The following MINDY2 variants were observed in gnomAD, a reference collection of about 807,000 sequenced individuals.
The protein encoded by MINDY2 is ubiquitin carboxyl-terminal hydrolase MINDY-2.
MINDY2 carries 52 observed loss-of-function variants against 68.2 expected under a neutral mutation model. The ratio of observed to expected loss-of-function variants is 0.76; its 90% CI spans 0.61 to 0.96. The LOEUF is 0.96. Among genes scored for constraint, MINDY2 ranks in the 40% least tolerant of loss-of-function variants. The pLI is 0.00. For synonymous variants in MINDY2, 372 were observed against 303.0 expected (o/e 1.23, Z -2.36); for missense variants, 881 against 773.4 (o/e 1.14, Z -1.65).
Position 58,787,881 on chromosome 15 carries a change from A to T in MINDY2, c.841-25A>T, listed in dbSNP as rs185935738. 1.5e-5 allele frequency: 23 copies of T among 1,525,604 alleles called. No individual in the cohort carries two copies. The East Asian group carries it at 2.5e-4, about 17-fold the overall frequency. The allele number at this position is 1,525,604 out of a possible 1,614,324, so 94.5% of individuals were successfully genotyped here. On this transcript the variant is annotated intron_variant, in intron 1 of 8. Coordinates refer to ENST00000559228, the MANE Select transcript of MINDY2 (RefSeq NM_001040450.3). ...TTAGTCACCTAAAACATTTAATTTT[A>T]TAGAAATAATATTTTGTTTTTCAGG...
intron 5 of MINDY2, among the ~76,000 whole-genome samples, chr15:58,827,001 C>T (rs1195556716): frequency 6.6e-6 from 1 of 152,080 alleles, no homozygotes; most frequent in Non-Finnish European, 1.5e-5. Flanking sequence ...AGTTGTTCCA[C>T]AGAATATTCC....
intron 2 of MINDY2, among the ~76,000 whole-genome samples, chr15:58,791,622 ATGTGTGTGTGTGTGTG>A (rs368688031): frequency 1.2e-3 from 165 of 136,754 alleles, no homozygotes; most frequent in African/African-American, 4.2e-3. Context: ...GTCTCAAAAT[ATGTGTGTGTGTGTGTG>A]TGTGTGTGTG....
intron 7 of MINDY2, among the ~76,000 whole-genome samples, chr15:58,849,303 C>G (rs2032699983): frequency 6.6e-6 from 1 of 151,704 alleles, no homozygotes; most frequent in Admixed American, 6.6e-5. Flanking sequence ...GAGATCAAGA[C>G]CATCCTGGCT....
chr15:58,816,209 G>A (rs1336198235), intron 4 of MINDY2, among the ~76,000 whole-genome samples: 1 of 152,074 alleles, frequency 6.6e-6, no homozygotes, highest in Non-Finnish European at 1.5e-5. Flanking sequence ...AAAAGCTGCT[G>A]GGATTCAGGA....
chr15:58,805,985 G>A (rs1902978715), intron 3 of MINDY2, among the ~76,000 whole-genome samples: 1 of 152,166 alleles, frequency 6.6e-6, no homozygotes, highest in African/African-American at 2.4e-5. Flanking sequence ...GAGGCAGATG[G>A]AACCCTTGAA....
At chr15:58,821,662 T>A in intron 4 of MINDY2, 55 bp from the exon 5 acceptor site, 2 of 1,090,126 alleles carry the variant, frequency 1.8e-6, no homozygotes, top group Non-Finnish European at 1.3e-6. Context: ...TATGGCTTTC[T>A]TTTGTTTTGT....
intron 5 of MINDY2, among the ~76,000 whole-genome samples, chr15:58,824,414 A>G (rs1241709362): frequency 6.6e-6 from 1 of 152,298 alleles, no homozygotes; most frequent in East Asian, 1.9e-4. Context: ...TACTTCCTTG[A>G]TATATAAATT....
rs951849841 is a variant in MINDY2 at position 58,789,747 on chromosome 15, A to G, written c.898+1784A>G. On this transcript the variant is annotated intron_variant, in intron 2 of 8. Coordinates refer to ENST00000559228, the MANE Select transcript of MINDY2 (RefSeq NM_001040450.3). ...ACCGCAACCTCCACCTCCTGGGTTC[A>G]AGTGATTCTCCTGCCTCAGCCTCCC... Among the ~76,000 whole-genome samples, 10 of 152,272 alleles carry G rather than the reference A, an allele frequency of 6.6e-5. No individual in the cohort carries two copies. The East Asian group carries it at 1.7e-3, about 26-fold the overall frequency.
chr15:58,782,579 A>C (rs2140906079), intron 1 of MINDY2, among the ~76,000 whole-genome samples: 1 of 152,176 alleles, frequency 6.6e-6, no homozygotes, highest in East Asian at 1.9e-4. Context: ...TTCTTTCCTC[A>C]TCGTGCTTCA....
At position 58,856,816 on chromosome 15, in the gene MINDY2, A is replaced by G. The variant is rs2033074744; in HGVS notation, c.*2206A>G. On this transcript the variant is annotated 3_prime_UTR_variant, in exon 9 of 9. Coordinates refer to ENST00000559228, the MANE Select transcript of MINDY2 (RefSeq NM_001040450.3). ...TACCTTGAGAAATTTTAAAAAGCATAGTTGAGGCATATTTTTTCATAATTA... is the reference window on the plus strand; with the variant it reads ...TACCTTGAGAAATTTTAAAAAGCATGGTTGAGGCATATTTTTTCATAATTA... The G allele has an allele frequency of 1.3e-5, 2 of 152,232 alleles. No homozygotes were observed. The highest frequency in any genetic ancestry group is 4.8e-5 in the African/African-American group (2 of 41,454). The allele number at this position is 152,232 out of a possible 1,614,324, so 9.4% of individuals were successfully genotyped here. A position where few individuals can be genotyped will look rare whatever the true frequency, so the allele number is the denominator to read the frequency against.
chr15:58,843,585 A>G (rs7178522), intron 6 of MINDY2, among the ~76,000 whole-genome samples: 85,060 of 151,938 alleles, frequency 0.56, 25,323 homozygotes, highest in Middle Eastern at 0.74. Context: ...AATTAATTCT[A>G]CATGGAGTAG....
At chr15:58,840,628 C>CTTCTTA (rs2032229250) in intron 6 of MINDY2, among the ~76,000 whole-genome samples, 1 of 139,266 alleles carries the variant, frequency 7.2e-6, no homozygotes, top group African/African-American at 2.7e-5. Context: ...TATTTATTTA[C>CTTCTTA]TTATTATTAT....
intron 2 of MINDY2, among the ~76,000 whole-genome samples, chr15:58,788,735 TGTG>T (rs1212180342): frequency 6.6e-6 from 1 of 152,136 alleles, no homozygotes; most frequent in Non-Finnish European, 1.5e-5. Flanking sequence ...TTAGGCCAGG[TGTG>T]GTGGCTCACG....
rs1165562015 is a variant in MINDY2, at chr15:58,856,777, A to G, written c.*2167A>G. 1 of 152,246 alleles carries G rather than the reference A, an allele frequency of 6.6e-6. No individual in the cohort carries two copies. Among genetic ancestry groups the G allele is most frequent in the Non-Finnish European group, 1.5e-5 (1 of 68,040 alleles). 9.4% of individuals were successfully genotyped at this position (152,246 alleles called of 1,614,324 possible). On this transcript the variant is annotated 3_prime_UTR_variant, in exon 9 of 9. Coordinates refer to ENST00000559228, the MANE Select transcript of MINDY2 (RefSeq NM_001040450.3). ...GATAGTGCATTATATTTGAATAAGAAAAACAAACCAGTATACCTTGAGAAA... is the reference window on the plus strand; with the variant it reads ...GATAGTGCATTATATTTGAATAAGAGAAACAAACCAGTATACCTTGAGAAA...
At chr15:58,818,029 G>A (rs1345346951) in intron 4 of MINDY2, among the ~76,000 whole-genome samples, 1 of 152,078 alleles carries the variant, frequency 6.6e-6, no homozygotes, top group East Asian at 1.9e-4. Flanking sequence ...ACCACATTAT[G>A]GTATATTCTA....
chr15:58,783,356 T>G (rs542203049), intron 1 of MINDY2, among the ~76,000 whole-genome samples: 1 of 152,340 alleles, frequency 6.6e-6, no homozygotes, highest in African/African-American at 2.4e-5. Flanking sequence ...GTATTCTAAT[T>G]GTTAAGCATT....
rs754859746 is a variant in MINDY2 at position 58,771,623 on chromosome 15, C to T, written c.228C>T (p.Pro76=). 1 of 1,612,266 alleles carries T rather than the reference C, an allele frequency of 6.2e-7. No homozygotes were observed. The highest frequency in any genetic ancestry group is 1.1e-5 in the South Asian group (1 of 91,070). Residue 76 remains proline, a synonymous_variant, in exon 1 of 9, where the codon CCC becomes CCT. Coordinates refer to ENST00000559228, the MANE Select transcript of MINDY2 (RefSeq NM_001040450.3). ...CTCCCGCGGGCTCTCCTGAGGTTCC[C>T]GGACCCTGCAGCTCCTCCGCGGGTT... ...SASPAGSPEV[P]GPCSSSAGLD... is the part of the protein sequence containing the mutation.
At position 58,772,023 on chromosome 15, in the gene MINDY2, G is replaced by A. The variant is rs1411209120; in HGVS notation, c.628G>A (p.Val210Met). 2.5e-6 allele frequency: 4 copies of A among 1,599,216 alleles called. No homozygotes were observed. Among genetic ancestry groups the A allele is most frequent in the South Asian group, 2.3e-5 (2 of 88,704 alleles). Residue 210 changes from valine (V) to methionine (M), a missense_variant, in exon 1 of 9, where the codon GTG becomes ATG. Coordinates refer to ENST00000559228, the MANE Select transcript of MINDY2 (RefSeq NM_001040450.3). Reference sequence around the variant, plus strand: ...CCCTGAGGAGGAGGAGGGCGCGGCGGTGTTGCCCGGGGCTGTTCCTCTGTG... The same window carrying A: ...CCCTGAGGAGGAGGAGGGCGCGGCGATGTTGCCCGGGGCTGTTCCTCTGTG... ...RVPEEEEGAA[V>M]LPGAVPLCKE...
Position 58,771,516 on chromosome 15 carries a change from C to G in MINDY2, c.121C>G (p.Pro41Ala). 3 of 1,612,096 alleles carry G rather than the reference C, an allele frequency of 1.9e-6. No individual in the cohort carries two copies. The highest frequency in any genetic ancestry group is 8.5e-7 in the Non-Finnish European group (1 of 1,179,722). ...GACCAGGCTCGCCGCTGGTGATGGT[C>G]CTGGGGTATGGGCGGCGGAGACCAG... is the stretch of plus-strand genomic sequence containing the variant. The part of the protein sequence containing the change: ...QETRLAAGDG[P>A]GVWAAETSGG... Residue 41 changes from proline to alanine, a missense_variant, in exon 1 of 9, where the codon CCT becomes GCT. Transcript: ENST00000559228.
Sources: allele counts gnomAD v4.1 joint callset (sites outside exome capture counted in the v4.1 genomes callset), GRCh38; gene constraint gnomAD v4.1.1; transcripts MANE v1.5; gene names NCBI Gene and HGNC (gene_info 2026-07-23, HGNC 2026-07-21).